The following DCC variants were observed in gnomAD, a reference collection of about 807,000 sequenced individuals.
DCC encodes DCC netrin 1 receptor, also known as netrin receptor DCC.
Under a neutral mutation model 172.5 loss-of-function variants are expected in DCC, and 58 were observed. The ratio of observed to expected loss-of-function variants is 0.34; its 90% CI spans 0.27 to 0.42. The LOEUF (loss-of-function observed/expected upper bound fraction) is 0.42, where lower values mean the gene tolerates loss of function less well. Among genes scored for constraint, DCC ranks in the 10% least tolerant of loss-of-function variants. DCC has a pLI of 1.00. For missense variants in DCC, 1,740 were observed against 1,791.0 expected (o/e 0.97, Z 0.51); for synonymous variants, 709 against 644.5 (o/e 1.10, Z -1.52).
chr18:53,046,025 C>A (rs533607832), intron 5 of DCC, among the ~76,000 whole-genome samples: 1 of 151,896 alleles, frequency 6.6e-6, no homozygotes, highest in African/African-American at 2.4e-5. Context: ...GAAATCCTCA[C>A]TTATAAAGCA....
Position 53,532,443 on chromosome 18 carries a change from A to G in DCC, c.*1790A>G, listed in dbSNP as rs1195776582. Reference sequence around the variant, plus strand: ...TTCAACAAGAGTGCTCATTCAAGTTACTCAGATTTTCTGGAAGTCTTTTCT... The same window carrying G: ...TTCAACAAGAGTGCTCATTCAAGTTGCTCAGATTTTCTGGAAGTCTTTTCT... On this transcript the variant is annotated 3_prime_UTR_variant, in exon 29 of 29. Coordinates refer to ENST00000442544, the MANE Select transcript of DCC (RefSeq NM_005215.4). 6.6e-6 allele frequency: 1 copy of G among 152,172 alleles called. No homozygotes were observed. Among genetic ancestry groups the G allele is most frequent in the Non-Finnish European group, 1.5e-5 (1 of 68,026 alleles). 9.4% of individuals were successfully genotyped at this position (152,172 alleles called of 1,614,324 possible). A position where few individuals can be genotyped will look rare whatever the true frequency, so the allele number is the denominator to read the frequency against.
chr18:53,145,511 T>C (rs2043899124), intron 7 of DCC, among the ~76,000 whole-genome samples: 1 of 151,038 alleles, frequency 6.6e-6, no homozygotes, highest in Non-Finnish European at 1.5e-5. Context: ...ACGGGTGTCA[T>C]CTATGAAGCC....
intron 15 of DCC, among the ~76,000 whole-genome samples, chr18:53,369,634 T>C (rs1398388388): frequency 6.6e-6 from 1 of 151,952 alleles, no homozygotes; most frequent in African/African-American, 2.4e-5. Flanking sequence ...TTTTATTATG[T>C]TGAGATAATT....
intron 5 of DCC, among the ~76,000 whole-genome samples, chr18:52,978,473 A>T (rs1350813060): frequency 1.3e-5 from 2 of 152,200 alleles, no homozygotes; most frequent in Non-Finnish European, 2.9e-5. Context: ...ACATGTATTG[A>T]GTACCGAACA....
At chr18:52,890,703 C>T (rs748711756) in intron 2 of DCC, among the ~76,000 whole-genome samples, 6 of 152,028 alleles carry the variant, frequency 3.9e-5, no homozygotes, top group Non-Finnish European at 7.4e-5. Context: ...AAAGGACAAA[C>T]TACAATTACA....
At chr18:52,607,149 G>A (rs146770751) in intron 1 of DCC, among the ~76,000 whole-genome samples, 228 of 152,162 alleles carry the variant, frequency 1.5e-3, no homozygotes, top group African/African-American at 5.2e-3. Flanking sequence ...CACTAACAGA[G>A]GCTCTAGGAT....
At chr18:53,518,722 C>T (rs927717251) in intron 27 of DCC, among the ~76,000 whole-genome samples, 4 of 152,154 alleles carry the variant, frequency 2.6e-5, no homozygotes, top group Admixed American at 2.6e-4. Context: ...TTACTTAGCA[C>T]ATCAACAGCC....
At chr18:52,797,393 T>G (rs1347450604) in intron 2 of DCC, among the ~76,000 whole-genome samples, 2 of 152,242 alleles carry the variant, frequency 1.3e-5, no homozygotes, top group Non-Finnish European at 2.9e-5. Flanking sequence ...ATTTTATGGA[T>G]AGGCCTTTGT....
intron 9 of DCC, among the ~76,000 whole-genome samples, chr18:53,191,913 C>A (rs933715662): frequency 1.3e-5 from 2 of 152,076 alleles, no homozygotes; most frequent in African/African-American, 4.8e-5. Context: ...CACCAGGGTT[C>A]CCGTATTCAG....
At chr18:52,700,161 T>C (rs899514003) in intron 1 of DCC, among the ~76,000 whole-genome samples, 11 of 150,406 alleles carry the variant, frequency 7.3e-5, no homozygotes, top group South Asian at 2.1e-4. Flanking sequence ...CACACACACA[T>C]GCACACGCAC....
At chr18:53,052,223 T>A (rs1231863549) in intron 5 of DCC, among the ~76,000 whole-genome samples, 1 of 152,118 alleles carries the variant, frequency 6.6e-6, no homozygotes, top group Non-Finnish European at 1.5e-5. Context: ...TTAATTCTGT[T>A]GTTTTATCCT....
intron 7 of DCC, among the ~76,000 whole-genome samples, chr18:53,132,236 A>G (rs1281676637): frequency 6.6e-6 from 1 of 152,026 alleles, no homozygotes; most frequent in Non-Finnish European, 1.5e-5. Context: ...TAAGAAAAAC[A>G]TCCCTGATTT....
chr18:52,544,435 T>C (rs200115048), intron 1 of DCC, among the ~76,000 whole-genome samples: 3 of 42,862 alleles, frequency 7.0e-5, no homozygotes, highest in Admixed American at 2.5e-4. Flanking sequence ...TTTTTTCTGT[T>C]TTTCTTTCTT....
intron 1 of DCC, among the ~76,000 whole-genome samples, chr18:52,641,901 A>G (rs2144902154): frequency 6.6e-6 from 1 of 151,940 alleles, no homozygotes; most frequent in Non-Finnish European, 1.5e-5. Context: ...TGATTCGAAA[A>G]AGATACTTAA....
chr18:53,285,017 C>T (rs779321528), intron 12 of DCC, among the ~76,000 whole-genome samples: 9 of 152,136 alleles, frequency 5.9e-5, no homozygotes, highest in African/African-American at 1.9e-4. Flanking sequence ...GCAAAGCATT[C>T]GAGAGGTAAC....
chr18:53,111,939 A>G (rs914328704), intron 7 of DCC, among the ~76,000 whole-genome samples: 29 of 151,554 alleles, frequency 1.9e-4, no homozygotes, highest in Non-Finnish European at 8.9e-5. Context: ...AGGAAATGAG[A>G]GTTGTGTTAA....
intron 27 of DCC, among the ~76,000 whole-genome samples, chr18:53,525,974 T>C (rs967493444): frequency 1.3e-5 from 2 of 152,152 alleles, no homozygotes; most frequent in Non-Finnish European, 2.9e-5. Context: ...GCAGCCCTTA[T>C]GTATAGGAAA....
intron 9 of DCC, among the ~76,000 whole-genome samples, chr18:53,186,617 A>G (rs940963656): frequency 5.3e-5 from 8 of 152,212 alleles, no homozygotes; most frequent in African/African-American, 1.9e-4. Flanking sequence ...ATATTTTTCT[A>G]TGCAGTTCAT....
At chr18:52,533,861 C>T (rs1237129244) in intron 1 of DCC, among the ~76,000 whole-genome samples, 60 of 152,232 alleles carry the variant, frequency 3.9e-4, no homozygotes, top group African/African-American at 1.4e-3. Flanking sequence ...TTCACATCAG[C>T]AGTGTATAGG....
Sources: gnomAD v4.1 joint callset for allele counts (sites outside exome capture counted in the v4.1 genomes callset) on GRCh38, gnomAD v4.1.1 for gene constraint, MANE v1.5 for transcripts, NCBI Gene and HGNC (gene_info 2026-07-23, HGNC 2026-07-21) for gene names.